Variants in MLXIP observed in about 807,000 individuals in gnomAD.
MLXIP encodes the protein MLX interacting protein, also known as MLX-interacting protein.
A neutral mutation model predicts 87.2 loss-of-function variants in MLXIP; 30 were observed. The observed-to-expected ratio is 0.34, with a 90% CI of 0.26 to 0.47. MLXIP has a LOEUF of 0.47. Among genes scored for constraint, MLXIP ranks in the 20% least tolerant of loss-of-function variants. The pLI, the probability that MLXIP is intolerant of heterozygous loss-of-function variation, is 1.00. For missense variants in MLXIP, 1,002 were observed against 1,240.1 expected, an observed-to-expected ratio of 0.81 and a Z score of 2.88; for synonymous variants, 530 against 514.0, an observed-to-expected ratio of 1.03 and a Z score of -0.42.
At chr12:122,122,445 C>T (rs1952798072) in intron 1 of MLXIP, among the ~76,000 whole-genome samples, 3 of 152,120 alleles carry the variant, frequency 2.0e-5, no homozygotes, top group Admixed American at 6.5e-5. Context: ...CTCACTGCAC[C>T]CTCCAACTCC....
chr12:122,132,527 G>A (rs1297144708), intron 8 of MLXIP, 144 bp downstream of exon 8: 2 of 643,504 alleles, frequency 3.1e-6, no homozygotes, highest in Non-Finnish European at 5.4e-6. Context: ...GCACTAATGT[G>A]CAGAGGCACG....
At chr12:122,122,035 G>A (rs1051767137) in intron 1 of MLXIP, among the ~76,000 whole-genome samples, 1 of 127,810 alleles carries the variant, frequency 7.8e-6, no homozygotes, top group African/African-American at 3.2e-5. Flanking sequence ...CTAGCGAATG[G>A]GTGAGTGCAG....
chr12:122,081,943 T>C (rs951952383), intron 1 of MLXIP, among the ~76,000 whole-genome samples: 1 of 152,216 alleles, frequency 6.6e-6, no homozygotes. Context: ...GTTGTTGTTG[T>C]TTGATTTCCT....
chr12:122,101,311 C>T (rs1276150124), intron 1 of MLXIP, among the ~76,000 whole-genome samples: 1 of 151,864 alleles, frequency 6.6e-6, no homozygotes, highest in Non-Finnish European at 1.5e-5. Context: ...TAGAGTTACA[C>T]CCTGTTGTTT....
At chr12:122,091,137 A>G (rs908166209) in intron 1 of MLXIP, among the ~76,000 whole-genome samples, 3 of 152,216 alleles carry the variant, frequency 2.0e-5, no homozygotes, top group African/African-American at 7.2e-5. Flanking sequence ...GTTATTGTTT[A>G]AAAAATATTG....
At chr12:122,093,948 TTGG>T (rs1952296829) in intron 1 of MLXIP, among the ~76,000 whole-genome samples, 1 of 130,442 alleles carries the variant, frequency 7.7e-6, no homozygotes, top group African/African-American at 2.9e-5. Context: ...GTGGGGTGTG[TTGG>T]TGTGTGTGTT....
At chr12:122,103,868 T>C (rs1436349512) in intron 1 of MLXIP, among the ~76,000 whole-genome samples, 6 of 142,746 alleles carry the variant, frequency 4.2e-5, no homozygotes, top group Non-Finnish European at 9.1e-5. Context: ...AGAGACAGGG[T>C]TTTGCTGTGT....
intron 1 of MLXIP, among the ~76,000 whole-genome samples, chr12:122,123,907 T>C (rs1231701307): frequency 6.6e-6 from 1 of 152,168 alleles, no homozygotes; most frequent in African/African-American, 2.4e-5. Flanking sequence ...GGCTGAGTTC[T>C]GCTCACTGGG....
At chr12:122,095,818 TTTA>T (rs1441925382) in intron 1 of MLXIP, among the ~76,000 whole-genome samples, 1 of 151,832 alleles carries the variant, frequency 6.6e-6, no homozygotes, top group Non-Finnish European at 1.5e-5. Flanking sequence ...ATTTTTTATT[TTTA>T]TTTTTTGCAT....
At chr12:122,079,586 A>G (rs74803420) in intron 1 of MLXIP, among the ~76,000 whole-genome samples, 2 of 152,198 alleles carry the variant, frequency 1.3e-5, no homozygotes, top group East Asian at 1.9e-4. Flanking sequence ...ACCCGACTCT[A>G]TCGACTCCTT....
chr12:122,141,666 G>C (rs1337709634), intron 16 of MLXIP, 25 bp from the exon 17 acceptor site: 8 of 1,611,694 alleles, frequency 5.0e-6, no homozygotes, highest in East Asian at 2.2e-5. Flanking sequence ...GTCACTGCCT[G>C]TGTCTGACCC....
chr12:122,128,525 A>G (rs557305377), intron 3 of MLXIP: 3 of 156,630 alleles, frequency 1.9e-5, no homozygotes, highest in East Asian at 1.9e-4. Context: ...TATTGTAATC[A>G]GTTCTTTTTA....
rs1259320645 is a variant in MLXIP, at chr12:122,079,012, C to G, written c.159C>G (p.His53Gln). Residue 53 changes from histidine to glutamine, a missense_variant, in exon 1 of 17, where the codon CAC becomes CAG. Transcript: ENST00000319080. Reference sequence around the variant, plus strand: ...GCGCGGCCACCCCGGCCCGGGCCCACGCGAGCGCCGCGCCACCGCCGCCTC... The same window carrying G: ...GCGCGGCCACCCCGGCCCGGGCCCAGGCGAGCGCCGCGCCACCGCCGCCTC... The part of the protein sequence containing the change: ...ASGAATPARA[H>Q]ASAAPPPPRA... 7.9e-7 allele frequency: 1 copy of G among 1,272,756 alleles called. No individual in the cohort carries two copies. The highest frequency in any genetic ancestry group is 9.9e-7 in the Non-Finnish European group (1 of 1,008,320). 78.8% of individuals were successfully genotyped at this position (1,272,756 alleles called of 1,614,324 possible).
intron 1 of MLXIP, among the ~76,000 whole-genome samples, chr12:122,082,172 T>TATGA (rs1228686943): frequency 6.6e-6 from 1 of 152,156 alleles, no homozygotes; most frequent in African/African-American, 2.4e-5. Context: ...AGGACTTGGA[T>TATGA]ATGAGTGTGC....
At chr12:122,109,917 G>A (rs1384249160) in intron 1 of MLXIP, among the ~76,000 whole-genome samples, 1 of 152,114 alleles carries the variant, frequency 6.6e-6, no homozygotes, top group Non-Finnish European at 1.5e-5. Flanking sequence ...CCTCAAATAA[G>A]CCAGAATCCT....
rs911831031 is a variant in MLXIP, at chr12:122,144,164, T to G, written c.*2352T>G. ...CAGGTGCAGGAACATCTGAGGCCAC[T>G]CTGCTGGCCACCTCCAGTGGGTGCT... On this transcript the variant is annotated 3_prime_UTR_variant, in exon 17 of 17. Transcript: ENST00000319080. 1 of 152,682 alleles carries G rather than the reference T, an allele frequency of 6.5e-6. No individual in the cohort carries two copies. The highest frequency in any genetic ancestry group is 1.9e-4 in the East Asian group (1 of 5,202). The allele number at this position is 152,682 out of a possible 1,614,324, so 9.5% of individuals were successfully genotyped here.
At chr12:122,115,902 A>C (rs1952682732) in intron 1 of MLXIP, among the ~76,000 whole-genome samples, 1 of 152,036 alleles carries the variant, frequency 6.6e-6, no homozygotes, top group Non-Finnish European at 1.5e-5. Flanking sequence ...AAACACAAAA[A>C]TTAGCCAGGC....
intron 1 of MLXIP, among the ~76,000 whole-genome samples, chr12:122,102,009 T>G (rs992087981): frequency 5.9e-5 from 9 of 152,246 alleles, no homozygotes; most frequent in African/African-American, 1.9e-4. Context: ...TATCCTTGTT[T>G]ATAGCTCTTC....
At position 122,129,965 on chromosome 12, in the gene MLXIP, A is replaced by G. The variant is rs1484869779; in HGVS notation, c.763A>G (p.Lys255Glu). 2 of 1,613,588 alleles carry G rather than the reference A, an allele frequency of 1.2e-6. No individual in the cohort carries two copies. Among genetic ancestry groups the G allele is most frequent in the Non-Finnish European group, 8.5e-7 (1 of 1,179,728 alleles). ...GGACGATGACATGCTGTATTGGCAC[A>G]AGCACGGGGATGGATGGAAGACCCC... ...VQDDDMLYWH[K>E]HGDGWKTPVP... The change falls in exon 6 of 17, where the codon AAG becomes GAG. Residue 255 changes from lysine to glutamate, a missense_variant. Lys to Glu is a moderately conservative substitution (Grantham distance 56, BLOSUM62 1). This residue lies in a region of MLXIP where 746 missense variants were observed against 897.0 expected (regional missense o/e 0.83). Coordinates refer to ENST00000319080, the MANE Select transcript of MLXIP (RefSeq NM_014938.6).
Sources: allele counts gnomAD v4.1 joint callset (sites outside exome capture counted in the v4.1 genomes callset), GRCh38; gene constraint gnomAD v4.1.1; regional missense constraint gnomAD v4.1.1; transcripts MANE v1.5; gene names NCBI Gene and HGNC (gene_info 2026-07-23, HGNC 2026-07-21).